Variants in KIF6 observed in about 807,000 individuals in gnomAD.
KIF6 encodes the protein kinesin family member 6.
Under a neutral mutation model 112.7 loss-of-function variants are expected in KIF6, and 106 were observed. The ratio of observed to expected loss-of-function variants is 0.94; its 90% CI spans 0.80 to 1.11. The LOEUF (loss-of-function observed/expected upper bound fraction) is 1.11. Among genes scored for constraint, KIF6 ranks in the 50% least tolerant of loss-of-function variants. The pLI, the probability that KIF6 is intolerant of heterozygous loss-of-function variation, is 0.00. For missense variants in KIF6, 929 were observed against 964.0 expected (o/e 0.96, Z 0.48); for synonymous variants, 339 against 339.9 (o/e 1.00, Z 0.03).
chr6:39,339,914 C>T (rs1395729314), intron 22 of KIF6, among the ~76,000 whole-genome samples: 3 of 152,192 alleles, frequency 2.0e-5, no homozygotes, highest in Non-Finnish European at 4.4e-5. Flanking sequence ...ACAAATTCCC[C>T]TTAATGAGCA....
At position 39,503,372 on chromosome 6, in the gene KIF6, G is replaced by T. The variant is rs140062773; in HGVS notation, c.1645+36631C>A. Among the ~76,000 whole-genome samples, 535 of 152,152 alleles carry T rather than the reference G, an allele frequency of 3.5e-3. 1 individual carries two copies. Among genetic ancestry groups the T allele is most frequent in the African/African-American group, 0.012 (512 of 41,514 alleles). Reference sequence around the variant, plus strand: ...ACGAGAGAAATTTGTAGCACTAAATGCCCACATCAAAAAGCTAGAAAGATC... The same window carrying T: ...ACGAGAGAAATTTGTAGCACTAAATTCCCACATCAAAAAGCTAGAAAGATC... On this transcript the variant is annotated intron_variant, in intron 13 of 22. Transcript: ENST00000287152.
At position 39,385,653 on chromosome 6, in the gene KIF6, G is replaced by A; in HGVS notation, c.1830C>T (p.Ile610=). 1 of 1,611,554 alleles carries A rather than the reference G, an allele frequency of 6.2e-7. No individual in the cohort carries two copies. The change falls in exon 16 of 23, where the codon ATC becomes ATT. Residue 610 remains isoleucine (I), a synonymous_variant. Transcript: ENST00000287152. ...CTACTTGCTGTATATGCCGCTGGGTGATTTCTTCCTTCAGGTGACCTGCCA... is the reference window on the plus strand; with the variant it reads ...CTACTTGCTGTATATGCCGCTGGGTAATTTCTTCCTTCAGGTGACCTGCCA... The part of the protein sequence containing the change: ...RSKIGHLKEE[I]TQRHIQQVAL...
intron 22 of KIF6, among the ~76,000 whole-genome samples, chr6:39,336,947 TTC>T (rs1230874271): frequency 6.6e-6 from 1 of 150,978 alleles, no homozygotes; most frequent in African/African-American, 2.4e-5. Context: ...TTCTTTTTCT[TTC>T]TCTTTCTTCT....
intron 22 of KIF6, among the ~76,000 whole-genome samples, chr6:39,337,852 C>T (rs1187550840): frequency 6.6e-6 from 1 of 152,162 alleles, no homozygotes; most frequent in African/African-American, 2.4e-5. Context: ...TTCTCTGGGC[C>T]TAACATTTCT....
rs1562108023 is a variant in KIF6 at position 39,342,623 on chromosome 6, T to TTTTTTTTTTTA, written c.2428+1085_2428+1086insTAAAAAAAAAA. Among the ~76,000 whole-genome samples the TTTTTTTTTTTA allele has an allele frequency of 1.5e-5, 2 of 134,264 alleles. No homozygotes were observed. The highest frequency in any genetic ancestry group is 5.7e-5 in the African/African-American group (2 of 34,790). 88.1% of individuals were successfully genotyped at this position (134,264 alleles called of 152,430 possible). On this transcript the variant is annotated intron_variant, in intron 22 of 22. Transcript: ENST00000287152. The surrounding 1 kb of genome is among the most constrained non-coding windows in gnomAD (Gnocchi z 4.7). Reference sequence around the variant, plus strand: ...TTTATTTTTTTTTATTTTTTTTTATTTTTTTTTATTTTTAGACAAGGAAAC... The same window carrying TTTTTTTTTTTA: ...TTTATTTTTTTTTATTTTTTTTTATTTTTTTTTTTTATTTTTTTATTTTTAGACAAGGAAAC...
chr6:39,646,180 T>A (rs1582354851), intron 3 of KIF6, among the ~76,000 whole-genome samples: 1 of 147,184 alleles, frequency 6.8e-6, no homozygotes, highest in African/African-American at 2.5e-5. Context: ...CTCAGAGAGG[T>A]AAAAAAAAAG....
intron 11 of KIF6, among the ~76,000 whole-genome samples, 178 bp from the exon 12 acceptor site, chr6:39,544,871 A>G (rs545364792): frequency 6.6e-6 from 1 of 151,632 alleles, no homozygotes; most frequent in East Asian, 1.9e-4. Context: ...TCTCCCTTCT[A>G]CCTGCCTTCT....
At position 39,617,023 on chromosome 6, in the gene KIF6, G is replaced by A. The variant is rs571895277; in HGVS notation, c.510-3705C>T. ...GGGCTTGAAAGAGGGCTTTATTAGAGTTTCTTAAATAAACATTCTAATTCC... is the reference window on the plus strand; with the variant it reads ...GGGCTTGAAAGAGGGCTTTATTAGAATTTCTTAAATAAACATTCTAATTCC... On this transcript the variant is annotated intron_variant, in intron 5 of 22. Transcript: ENST00000287152. Among the ~76,000 whole-genome samples, 13 of 152,062 alleles carry A rather than the reference G, an allele frequency of 8.5e-5. No homozygotes were observed. The South Asian group carries it at 1.0e-3, about 12-fold the overall frequency.
chr6:39,573,779 A>G (rs1162601855), intron 10 of KIF6, among the ~76,000 whole-genome samples: 1 of 152,188 alleles, frequency 6.6e-6, no homozygotes, highest in Non-Finnish European at 1.5e-5. Context: ...TATTTTGTTT[A>G]TATCTTCTCA....
intron 13 of KIF6, among the ~76,000 whole-genome samples, chr6:39,539,009 T>C (rs939093291): frequency 3.5e-5 from 5 of 140,916 alleles, no homozygotes; most frequent in African/African-American, 1.1e-4. Context: ...TAGGTGGGAA[T>C]TGAACAATGA....
intron 16 of KIF6, among the ~76,000 whole-genome samples, chr6:39,363,465 C>CT (rs1765329763): frequency 6.6e-6 from 1 of 152,204 alleles, no homozygotes; most frequent in Non-Finnish European, 1.5e-5. Context: ...ATGCCGACCT[C>CT]TGTCTTCCCC....
At chr6:39,588,807 A>G (rs911839537) in intron 7 of KIF6, among the ~76,000 whole-genome samples, 1 of 152,180 alleles carries the variant, frequency 6.6e-6, no homozygotes, top group East Asian at 1.9e-4. Flanking sequence ...AGGTTTACCT[A>G]TAAAACTTGC....
intron 16 of KIF6, among the ~76,000 whole-genome samples, chr6:39,376,977 T>C (rs1246764182): frequency 1.3e-5 from 2 of 152,250 alleles, no homozygotes; most frequent in Non-Finnish European, 1.5e-5. Context: ...TGCCTCGTGG[T>C]CCTGAAGGGG....
intron 5 of KIF6, among the ~76,000 whole-genome samples, chr6:39,621,218 CACACACACACACACGT>C (rs1480907420): frequency 7.3e-6 from 1 of 136,240 alleles, no homozygotes; most frequent in Admixed American, 7.5e-5. Flanking sequence ...CACACACACA[CACACACACACACACGT>C]ACACATATAT....
intron 10 of KIF6, among the ~76,000 whole-genome samples, chr6:39,574,227 TATA>T (rs1780804311): frequency 6.6e-6 from 1 of 152,188 alleles, no homozygotes; most frequent in East Asian, 1.9e-4. Flanking sequence ...TAGTAAAAGA[TATA>T]ATATAAATAT....
intron 13 of KIF6, among the ~76,000 whole-genome samples, chr6:39,440,790 GA>G (rs1260726294): frequency 6.6e-6 from 1 of 152,186 alleles, no homozygotes; most frequent in African/African-American, 2.4e-5. Context: ...AGAGGGATAG[GA>G]AGGTCAGGGG....
chr6:39,526,711 A>G (rs1582052703), intron 13 of KIF6, among the ~76,000 whole-genome samples: 1 of 152,390 alleles, frequency 6.6e-6, no homozygotes, highest in East Asian at 1.9e-4. Flanking sequence ...TGTAGCACCT[A>G]GAATAAACCT....
At chr6:39,496,463 G>A (rs530641615) in intron 13 of KIF6, among the ~76,000 whole-genome samples, 4 of 152,098 alleles carry the variant, frequency 2.6e-5, no homozygotes, top group African/African-American at 9.7e-5. Context: ...CCCTGTGAGG[G>A]CATAAGTAAC....
At chr6:39,707,640 G>A (rs1434128592) in intron 3 of KIF6, among the ~76,000 whole-genome samples, 1 of 152,204 alleles carries the variant, frequency 6.6e-6, no homozygotes, top group Non-Finnish European at 1.5e-5. Context: ...TACTTAGTAA[G>A]GGGAATAGAG....
Sources: allele counts gnomAD v4.1 joint callset (sites outside exome capture counted in the v4.1 genomes callset), GRCh38; gene constraint gnomAD v4.1.1; non-coding constraint Gnocchi (gnomAD v3.1); transcripts MANE v1.5; gene names NCBI Gene and HGNC (gene_info 2026-07-23, HGNC 2026-07-21).